The following CAMTA1 variants were observed in gnomAD, a reference collection of about 807,000 sequenced individuals.
CAMTA1 encodes calmodulin binding transcription activator 1, also known as calmodulin-binding transcription activator 1.
Under a neutral mutation model 170.9 loss-of-function variants are expected in CAMTA1, and 27 were observed. The observed-to-expected ratio is 0.16, with a 90% CI of 0.12 to 0.22. The LOEUF (loss-of-function observed/expected upper bound fraction) is 0.22, where lower values mean the gene tolerates loss of function less well. Among genes scored for constraint, CAMTA1 ranks in the 10% least tolerant of loss-of-function variants. CAMTA1 has a pLI of 1.00. For synonymous variants in CAMTA1, 833 were observed against 891.5 expected, an observed-to-expected ratio of 0.93 and a Z score of 1.17; for missense variants, 1,619 against 2,217.2, an observed-to-expected ratio of 0.73 and a Z score of 5.42.
At chr1:7,161,266 C>G (rs1647195855) in intron 4 of CAMTA1, among the ~76,000 whole-genome samples, 2 of 152,206 alleles carry the variant, frequency 1.3e-5, no homozygotes. Flanking sequence ...TCTCTGTTCT[C>G]TCTTCCTGCA....
At chr1:6,955,987 G>C (rs1689386987) in intron 3 of CAMTA1, among the ~76,000 whole-genome samples, 1 of 152,198 alleles carries the variant, frequency 6.6e-6, no homozygotes, top group African/African-American at 2.4e-5. Flanking sequence ...CTTCCGGCAA[G>C]TCCTTTGCAG....
chr1:6,938,133 C>G (rs1007685548), intron 3 of CAMTA1, among the ~76,000 whole-genome samples: 3 of 152,192 alleles, frequency 2.0e-5, no homozygotes, highest in Non-Finnish European at 2.9e-5. Context: ...TAAATATATA[C>G]AGTACTGTTA....
At chr1:7,011,071 C>T (rs569998686) in intron 3 of CAMTA1, among the ~76,000 whole-genome samples, 114 of 152,308 alleles carry the variant, frequency 7.5e-4, no homozygotes, top group South Asian at 1.7e-3. Context: ...CACTGTCGTG[C>T]GTGGGAGCTC....
At chr1:7,328,790 T>C (rs1189142430) in intron 5 of CAMTA1, among the ~76,000 whole-genome samples, 2 of 152,102 alleles carry the variant, frequency 1.3e-5, no homozygotes, top group Admixed American at 1.3e-4. Context: ...ATTTACCTTT[T>C]CCCCCCAAAT....
At chr1:7,132,338 G>GCA (rs1430041271) in intron 4 of CAMTA1, among the ~76,000 whole-genome samples, 7 of 152,042 alleles carry the variant, frequency 4.6e-5, no homozygotes, top group Non-Finnish European at 8.8e-5. Context: ...AGTGGTGTGT[G>GCA]ATCATAGCTC....
intron 6 of CAMTA1, among the ~76,000 whole-genome samples, chr1:7,494,635 C>T (rs957674442): frequency 3.3e-5 from 5 of 152,144 alleles, no homozygotes; most frequent in Admixed American, 6.5e-5. Flanking sequence ...AAAACCCCAT[C>T]TCTACTAAAA....
At chr1:6,830,376 C>T (rs1206616644) in intron 3 of CAMTA1, among the ~76,000 whole-genome samples, 1 of 147,986 alleles carries the variant, frequency 6.8e-6, no homozygotes, top group East Asian at 2.0e-4. Flanking sequence ...TGGAGTCTCA[C>T]TCTGTTACCC....
rs1706357285 is a variant in CAMTA1 at position 7,051,531 on chromosome 1, C to T, written c.235-39773C>T. ...TACCCAGCGCTGTGAGTGGGGTCTT[C>T]CAGTGGGTCCTGATTGCCAGGTCTT... On this transcript the variant is annotated intron_variant, in intron 3 of 22. Transcript: ENST00000303635. Among the ~76,000 whole-genome samples the T allele has an allele frequency of 2.0e-5, 3 of 152,214 alleles. No individual in the cohort carries two copies. In the South Asian group the frequency reaches 6.2e-4, roughly 32 times the overall value.
chr1:7,125,401 C>T (rs1204108508), intron 4 of CAMTA1, among the ~76,000 whole-genome samples: 1 of 152,176 alleles, frequency 6.6e-6, no homozygotes, highest in East Asian at 1.9e-4. Flanking sequence ...GTAGATAGGA[C>T]CAGTTCCTGC....
intron 6 of CAMTA1, among the ~76,000 whole-genome samples, chr1:7,568,474 A>G (rs1336838646): frequency 1.3e-5 from 2 of 148,604 alleles, no homozygotes; most frequent in Non-Finnish European, 3.0e-5. Context: ...ACCAACAACC[A>G]TCATCAACAT....
In CAMTA1 at chr1:7,007,177, G is replaced by T. The variant is rs912123090; in HGVS notation, c.235-84127G>T. Reference sequence around the variant, plus strand: ...CTGAGAAGAGAGGTGCTCTGCTGCTGGCTGCGGCAAGGAACTGATCACATA... The same window carrying T: ...CTGAGAAGAGAGGTGCTCTGCTGCTTGCTGCGGCAAGGAACTGATCACATA... On this transcript the variant is annotated intron_variant, in intron 3 of 22. Coordinates refer to ENST00000303635, the MANE Select transcript of CAMTA1 (RefSeq NM_015215.4). This position sits in a 1 kb window ranked among gnomAD's most constrained non-coding sequence, Gnocchi z 4.5. 1.1e-4 allele frequency among the ~76,000 whole-genome samples: 17 copies of T among 152,150 alleles called. No homozygotes were observed. The highest frequency in any genetic ancestry group is 1.1e-3 in the Admixed American group (17 of 15,278).
chr1:7,028,859 A>G (rs1158674994), intron 3 of CAMTA1, among the ~76,000 whole-genome samples: 1 of 152,250 alleles, frequency 6.6e-6, no homozygotes, highest in African/African-American at 2.4e-5. Context: ...CGCAAATTGT[A>G]TATTGTACAA....
chr1:7,190,351 T>C (rs537840913), intron 4 of CAMTA1, among the ~76,000 whole-genome samples: 25 of 152,358 alleles, frequency 1.6e-4, no homozygotes, highest in Non-Finnish European at 3.4e-4. Flanking sequence ...TAGATATATG[T>C]CTATGTACAC....
intron 7 of CAMTA1, among the ~76,000 whole-genome samples, chr1:7,644,184 C>A (rs2095787632): frequency 6.6e-6 from 1 of 152,148 alleles, no homozygotes; most frequent in Non-Finnish European, 1.5e-5. Context: ...GCTCCGTGAC[C>A]TTATGCCCTG....
intron 3 of CAMTA1, among the ~76,000 whole-genome samples, chr1:6,828,123 C>T (rs544001977): frequency 3.3e-5 from 5 of 152,112 alleles, no homozygotes; most frequent in South Asian, 2.1e-4. Flanking sequence ...TGTGCTCGCT[C>T]GCTCTCTCTG....
intron 4 of CAMTA1, among the ~76,000 whole-genome samples, chr1:7,208,703 A>G (rs1353505619): frequency 5.3e-5 from 8 of 152,224 alleles, no homozygotes; most frequent in African/African-American, 1.9e-4. Context: ...TGAGCCTTGA[A>G]GAGTGGGAAG....
chr1:6,960,063 C>T (rs1284210291), intron 3 of CAMTA1, among the ~76,000 whole-genome samples: 1 of 152,196 alleles, frequency 6.6e-6, no homozygotes, highest in East Asian at 1.9e-4. Context: ...AGTCCCAGGT[C>T]ACCAGGTAGT....
rs543662592 is a variant in CAMTA1, at chr1:7,506,950, TCA to T, written c.510+39057_510+39058del. 2.7e-4 allele frequency among the ~76,000 whole-genome samples: 41 copies of T among 151,512 alleles called. No homozygotes were observed. In the East Asian group the frequency reaches 3.9e-3, roughly 14 times the overall value. On this transcript the variant is annotated intron_variant, in intron 6 of 22. Transcript: ENST00000303635. ...ACACTTATGTACTCACAATCAAAATTCACACACACTCAAAATTTGCACTTGCT... is the reference window on the plus strand; with the variant it reads ...ACACTTATGTACTCACAATCAAAATTCACACACTCAAAATTTGCACTTGCT...
intron 1 of CAMTA1, among the ~76,000 whole-genome samples, chr1:6,794,720 T>G (rs1176080610): frequency 6.6e-6 from 1 of 152,214 alleles, no homozygotes; most frequent in Non-Finnish European, 1.5e-5. Flanking sequence ...GTAAATTGTG[T>G]CTAAACTTTA....
Sources: gnomAD v4.1 joint callset for allele counts (sites outside exome capture counted in the v4.1 genomes callset) on GRCh38, gnomAD v4.1.1 for gene constraint, Gnocchi (gnomAD v3.1) non-coding constraint, MANE v1.5 for transcripts, NCBI Gene and HGNC (gene_info 2026-07-23, HGNC 2026-07-21) for gene names.